The following TRPM8 variants were observed in gnomAD, a reference collection of about 807,000 sequenced individuals.
TRPM8 encodes the protein TRPM8 cationic channel.
In TRPM8, 110 loss-of-function variants were observed where a neutral mutation model predicts 133.7. The observed-to-expected ratio is 0.82, with a 90% CI of 0.70 to 0.96. The LOEUF is 0.96. TRPM8 is among the 40% of genes least tolerant of loss of function. The pLI, the probability that TRPM8 is intolerant of heterozygous loss-of-function variation, is 0.00. For synonymous variants in TRPM8, 535 were observed against 532.3 expected (o/e 1.01, Z -0.07); for missense variants, 1,291 against 1,379.5 (o/e 0.94, Z 1.02).
At position 233,989,742 on chromosome 2, in the gene TRPM8, C is replaced by T. The variant is rs62185865; in HGVS notation, c.2939+3877C>T. Among the ~76,000 whole-genome samples, 2,360 of 152,210 alleles carry T rather than the reference C, an allele frequency of 0.016. 25 individuals carry two copies. Among genetic ancestry groups the T allele is most frequent in the Non-Finnish European group, 0.023 (1,572 of 68,008 alleles). ...ATTGGAGTGCTCTCTAGATGGTATTCAACAGAGAAAGGAAATGGATGTGAA... is the reference window on the plus strand; with the variant it reads ...ATTGGAGTGCTCTCTAGATGGTATTTAACAGAGAAAGGAAATGGATGTGAA... On this transcript the variant is annotated intron_variant, in intron 21 of 25. Coordinates refer to ENST00000324695, the MANE Select transcript of TRPM8 (RefSeq NM_024080.5). This position sits in a 1 kb window ranked among gnomAD's most constrained non-coding sequence, Gnocchi z 4.2.
chr2:233,937,149 C>T (rs1690771121), intron 3 of TRPM8, among the ~76,000 whole-genome samples: 1 of 152,130 alleles, frequency 6.6e-6, no homozygotes. Flanking sequence ...GCCCACCTCA[C>T]TCTCCCAAAG....
At chr2:233,978,023 G>T (rs1363968998) in intron 17 of TRPM8, among the ~76,000 whole-genome samples, 1 of 151,362 alleles carries the variant, frequency 6.6e-6, no homozygotes, top group African/African-American at 2.4e-5. Context: ...ATGTATGCAG[G>T]TGTTTTGTTT....
At chr2:233,965,064 G>A (rs1004096195) in intron 14 of TRPM8, among the ~76,000 whole-genome samples, 1 of 135,188 alleles carries the variant, frequency 7.4e-6, no homozygotes, top group African/African-American at 2.9e-5. Flanking sequence ...GGGGGGGGGG[G>A]GTGTTTCTGG....
At position 233,955,146 on chromosome 2, in the gene TRPM8, G is replaced by A. The variant is rs372936420; in HGVS notation, c.1258G>A (p.Glu420Lys). 2 of 1,613,884 alleles carry A rather than the reference G, an allele frequency of 1.2e-6. No homozygotes were observed. The highest frequency in any genetic ancestry group is 2.7e-5 in the African/African-American group (2 of 74,918). The change falls in exon 11 of 26, where the codon GAG (glutamate) becomes AAG (lysine). Residue 420 changes from glutamate to lysine, a missense_variant. Physicochemically the swap from Glu to Lys is moderately conservative, Grantham distance 56. Coordinates refer to ENST00000324695, the MANE Select transcript of TRPM8 (RefSeq NM_024080.5). ...CCCTCTCACAGCCTTCAGCACCAGT[G>A]AGCAAGACAAGGATAACTGGAATGG... ...YALYKAFSTSEQDKDNWNGQL... is the reference protein window; with the variant it reads ...YALYKAFSTSKQDKDNWNGQL...
chr2:234,014,463 A>C, intron 24 of TRPM8, 99 bp from the exon 25 acceptor site: 1 of 624,098 alleles, frequency 1.6e-6, no homozygotes, highest in African/African-American at 2.0e-5. Context: ...GCTATTTAGT[A>C]GACATGTCTG....
At chr2:233,974,610 C>A (rs1259239319) in intron 17 of TRPM8, among the ~76,000 whole-genome samples, 1 of 152,182 alleles carries the variant, frequency 6.6e-6, no homozygotes, top group East Asian at 1.9e-4. Context: ...CCTTTTCTGG[C>A]ACAGCTTCCT....
intron 22 of TRPM8, among the ~76,000 whole-genome samples, chr2:234,000,525 A>C (rs1182678233): frequency 6.6e-6 from 1 of 152,210 alleles, no homozygotes; most frequent in Non-Finnish European, 1.5e-5. Context: ...TGTTACAGTC[A>C]GGGAGGAAAA....
intron 19 of TRPM8, 143 bp downstream of exon 19, chr2:233,982,058 G>T: frequency 1.1e-6 from 1 of 922,884 alleles, no homozygotes; most frequent in African/African-American, 1.7e-5. Flanking sequence ...TATTTCATCA[G>T]GGGCCTCTCC....
At chr2:234,007,128 C>T (rs912321596) in intron 23 of TRPM8, among the ~76,000 whole-genome samples, 176 bp downstream of exon 23, 3 of 152,180 alleles carry the variant, frequency 2.0e-5, no homozygotes, top group Non-Finnish European at 4.4e-5. Flanking sequence ...GTGTGCCAGC[C>T]TTTGGAGAAG....
At chr2:233,948,063 T>G (rs569791138) in intron 8 of TRPM8, among the ~76,000 whole-genome samples, 1 of 152,356 alleles carries the variant, frequency 6.6e-6, no homozygotes, top group African/African-American at 2.4e-5. Flanking sequence ...ATTTCCGCAA[T>G]GATTTGCATA....
Position 233,970,207 on chromosome 2 carries a change from C to A in TRPM8, c.2139-3C>A. The stretch of plus-strand genomic sequence containing the variant: ...CTGACGATGCCCTTATCTCTGGGTC[C>A]AGGAAGAAACCTGTCGACAAGCACA... On this transcript the variant is annotated splice_polypyrimidine_tract_variant and splice_region_variant and intron_variant, in intron 16 of 25. Transcript: ENST00000324695. The A allele has an allele frequency of 1.2e-6, 2 of 1,614,026 alleles. No individual in the cohort carries two copies.
chr2:233,950,504 AG>A (rs911805156), intron 9 of TRPM8, among the ~76,000 whole-genome samples: 1 of 152,230 alleles, frequency 6.6e-6, no homozygotes, highest in Non-Finnish European at 1.5e-5. Context: ...CTGATGATGA[AG>A]GCAAAGTTGA....
chr2:233,961,908 C>T (rs1438484317), intron 12 of TRPM8, among the ~76,000 whole-genome samples: 2 of 152,192 alleles, frequency 1.3e-5, no homozygotes, highest in East Asian at 3.9e-4. Context: ...GGATTACAGG[C>T]GTGAACCACC....
intron 2 of TRPM8, among the ~76,000 whole-genome samples, chr2:233,926,915 G>A (rs1487367092): frequency 6.6e-6 from 1 of 152,108 alleles, no homozygotes; most frequent in African/African-American, 2.4e-5. Flanking sequence ...CCTTCACACT[G>A]TCTCTCCTGG....
intron 10 of TRPM8, 80 bp downstream of exon 10, chr2:233,954,099 A>G: frequency 1.0e-6 from 1 of 995,700 alleles, no homozygotes; most frequent in Non-Finnish European, 1.5e-6. Context: ...TTCTTTTATA[A>G]AACAGCTTTA....
intron 1 of TRPM8, among the ~76,000 whole-genome samples, chr2:233,925,421 G>A (rs139801591): frequency 6.6e-6 from 1 of 152,270 alleles, no homozygotes; most frequent in Admixed American, 6.5e-5. Flanking sequence ...TGGGCATTGT[G>A]GGGCATCTCC....
In TRPM8 at chr2:233,937,632, C is replaced by T. The variant is rs544830155; in HGVS notation, c.348+123C>T. The stretch of plus-strand genomic sequence containing the variant: ...AGAGATGGGTAGTAAACACCAAAAA[C>T]GATTGCAGAAAAAGATACATCTTGT... On this transcript the variant is annotated intron_variant, in intron 4 of 25. Coordinates refer to ENST00000324695, the MANE Select transcript of TRPM8 (RefSeq NM_024080.5). The T allele has an allele frequency of 3.7e-5, 42 of 1,130,204 alleles. No homozygotes were observed. In the African/African-American group the frequency reaches 3.9e-4, roughly 11 times the overall value. The allele number at this position is 1,130,204 out of a possible 1,614,324, so 70.0% of individuals were successfully genotyped here. A position where few individuals can be genotyped will look rare whatever the true frequency, so the allele number is the denominator to read the frequency against.
At chr2:233,967,830 G>A (rs1407695025) in intron 15 of TRPM8, among the ~76,000 whole-genome samples, 1 of 152,036 alleles carries the variant, frequency 6.6e-6, no homozygotes, top group African/African-American at 2.4e-5. Context: ...GGCTTCCCAG[G>A]TGGGTCACAC....
intron 22 of TRPM8, among the ~76,000 whole-genome samples, chr2:234,005,970 A>C (rs1692685320): frequency 6.6e-6 from 1 of 151,424 alleles, no homozygotes; most frequent in African/African-American, 2.4e-5. Flanking sequence ...ACACACACAG[A>C]ATTTGCTTAA....
Sources: gnomAD v4.1 joint callset for allele counts (sites outside exome capture counted in the v4.1 genomes callset) on GRCh38, gnomAD v4.1.1 for gene constraint, Gnocchi (gnomAD v3.1) non-coding constraint, MANE v1.5 for transcripts, NCBI Gene and HGNC (gene_info 2026-07-23, HGNC 2026-07-21) for gene names.